The following EFNA5 variants were observed in gnomAD, a reference collection of about 807,000 sequenced individuals.
EFNA5 encodes the protein ephrin-A5.
Under a neutral mutation model 22.9 loss-of-function variants are expected in EFNA5, and 5 were observed. That is an observed-to-expected ratio of 0.22 (90% confidence interval 0.11 to 0.46). The LOEUF is 0.46. Ranked by LOEUF, EFNA5 falls within the 20% of genes least tolerant of loss-of-function variation. The pLI is 0.99. For missense variants in EFNA5, 237 were observed against 293.3 expected (o/e 0.81, Z 1.40); for synonymous variants, 113 against 112.2 (o/e 1.01, Z -0.04).
chr5:107,566,171 G>A (rs1281931867), intron 1 of EFNA5, among the ~76,000 whole-genome samples: 1 of 152,150 alleles, frequency 6.6e-6, no homozygotes. Flanking sequence ...TCTAAGTGAT[G>A]GCACGCAGGA....
At chr5:107,474,249 T>C (rs1486713997) in intron 1 of EFNA5, among the ~76,000 whole-genome samples, 2 of 152,216 alleles carry the variant, frequency 1.3e-5, no homozygotes, top group Non-Finnish European at 2.9e-5. Flanking sequence ...ACACCCAGTT[T>C]GTACACCAGG....
rs150866461 is a variant in EFNA5 at position 107,405,197 on chromosome 5, G to C, written c.419-17426C>G. Among the ~76,000 whole-genome samples, 391 of 152,340 alleles carry C rather than the reference G, an allele frequency of 2.6e-3. 1 individual carries two copies. Among genetic ancestry groups the C allele is most frequent in the African/African-American group, 9.2e-3 (381 of 41,592 alleles). On this transcript the variant is annotated intron_variant, in intron 2 of 4. Coordinates refer to ENST00000333274, the MANE Select transcript of EFNA5 (RefSeq NM_001962.3). ...TCTCTGACCTCACAGCATGTCCCTT[G>C]AGATTTGGGCAGCCCTTGCCTGCTC...
intron 1 of EFNA5, among the ~76,000 whole-genome samples, chr5:107,520,389 C>T (rs1245515663): frequency 6.6e-6 from 1 of 152,136 alleles, no homozygotes; most frequent in East Asian, 1.9e-4. Flanking sequence ...AAATAAAAAA[C>T]TAAAAAGGTC....
At chr5:107,623,723 A>C (rs1750088406) in intron 1 of EFNA5, among the ~76,000 whole-genome samples, 1 of 151,806 alleles carries the variant, frequency 6.6e-6, no homozygotes, top group Non-Finnish European at 1.5e-5. Flanking sequence ...AAAAAAAACA[A>C]CTACCACTTT....
intron 2 of EFNA5, among the ~76,000 whole-genome samples, chr5:107,391,172 A>T (rs1747786184): frequency 6.6e-6 from 1 of 152,182 alleles, no homozygotes; most frequent in Non-Finnish European, 1.5e-5. Flanking sequence ...ATAAATAAAT[A>T]AAATAAAATG....
chr5:107,472,227 C>G (rs906367996), intron 1 of EFNA5, among the ~76,000 whole-genome samples: 2 of 152,176 alleles, frequency 1.3e-5, no homozygotes, highest in African/African-American at 4.8e-5. Context: ...TAGCAGATCT[C>G]ACAACTAGTC....
intron 1 of EFNA5, among the ~76,000 whole-genome samples, chr5:107,554,560 A>G (rs1190938964): frequency 1.3e-5 from 2 of 152,216 alleles, no homozygotes; most frequent in African/African-American, 2.4e-5. Flanking sequence ...CATTAGGTGG[A>G]AGAGAAAGGA....
chr5:107,482,120 G>A (rs1014536128), intron 1 of EFNA5, among the ~76,000 whole-genome samples: 1 of 151,968 alleles, frequency 6.6e-6, no homozygotes, highest in Non-Finnish European at 1.5e-5. Flanking sequence ...GACCAGCCTG[G>A]GCAACATAGG....
chr5:107,586,959 T>G (rs555177564), intron 1 of EFNA5, among the ~76,000 whole-genome samples: 1 of 152,324 alleles, frequency 6.6e-6, no homozygotes, highest in East Asian at 1.9e-4. Context: ...TAATCTTACA[T>G]GGACACAGAA....
intron 1 of EFNA5, among the ~76,000 whole-genome samples, chr5:107,655,133 T>C (rs1424086997): frequency 6.6e-6 from 1 of 152,082 alleles, no homozygotes; most frequent in African/African-American, 2.4e-5. Flanking sequence ...ATAAGTAAGT[T>C]ATCAAAATTT....
At chr5:107,601,564 G>A (rs1218140257) in intron 1 of EFNA5, among the ~76,000 whole-genome samples, 1 of 152,166 alleles carries the variant, frequency 6.6e-6, no homozygotes, top group Non-Finnish European at 1.5e-5. Context: ...AGTTGATTAG[G>A]TAGATAAGGT....
intron 2 of EFNA5, among the ~76,000 whole-genome samples, chr5:107,397,007 C>T (rs548619727): frequency 3.1e-4 from 47 of 152,238 alleles, no homozygotes; most frequent in African/African-American, 1.1e-3. Context: ...CCAGAGGTGG[C>T]TATAGATCCC....
At chr5:107,487,357 T>C (rs550474952) in intron 1 of EFNA5, among the ~76,000 whole-genome samples, 2 of 152,322 alleles carry the variant, frequency 1.3e-5, no homozygotes, top group South Asian at 4.1e-4. Flanking sequence ...CTTAAAAACT[T>C]TGTTTAATCC....
intron 2 of EFNA5, among the ~76,000 whole-genome samples, chr5:107,392,979 T>C (rs1283149385): frequency 6.6e-6 from 1 of 152,268 alleles, no homozygotes; most frequent in Non-Finnish European, 1.5e-5. Flanking sequence ...AAAGTGTTTT[T>C]CATTTTCCTT....
At chr5:107,423,829 T>G (rs1309031812) in intron 2 of EFNA5, among the ~76,000 whole-genome samples, 2 of 152,220 alleles carry the variant, frequency 1.3e-5, no homozygotes, top group South Asian at 2.1e-4. Context: ...GAATATAGCA[T>G]AGTTATTCTT....
At chr5:107,634,314 C>T (rs1211847444) in intron 1 of EFNA5, among the ~76,000 whole-genome samples, 3 of 152,060 alleles carry the variant, frequency 2.0e-5, no homozygotes, top group Non-Finnish European at 4.4e-5. Flanking sequence ...GCTAGGAATT[C>T]GAGACCAGCC....
At chr5:107,561,985 C>T (rs1311493613) in intron 1 of EFNA5, among the ~76,000 whole-genome samples, 1 of 152,166 alleles carries the variant, frequency 6.6e-6, no homozygotes, top group Non-Finnish European at 1.5e-5. Flanking sequence ...AGCCTCCTCC[C>T]CACTGGGGGA....
chr5:107,599,246 T>C (rs999622228), intron 1 of EFNA5, among the ~76,000 whole-genome samples: 1 of 152,148 alleles, frequency 6.6e-6, no homozygotes, highest in Non-Finnish European at 1.5e-5. Flanking sequence ...AAACAAACTA[T>C]AGCACATCTA....
chr5:107,482,734 A>G (rs957905142), intron 1 of EFNA5, among the ~76,000 whole-genome samples: 4 of 151,856 alleles, frequency 2.6e-5, no homozygotes, highest in Non-Finnish European at 5.9e-5. Context: ...AAGTGACAAA[A>G]TGTCAGCCTC....
Sources: gnomAD v4.1 joint callset for allele counts (sites outside exome capture counted in the v4.1 genomes callset) on GRCh38, gnomAD v4.1.1 for gene constraint, MANE v1.5 for transcripts, NCBI Gene and HGNC (gene_info 2026-07-23, HGNC 2026-07-21) for gene names.